Variants in TCHH observed in about 807,000 individuals in gnomAD.
TCHH encodes trichohyalin.
In TCHH, 6 loss-of-function variants were observed where a neutral mutation model predicts 6.3. The observed-to-expected ratio is 0.95, with a 90% confidence interval of 0.52 to 1.88. The LOEUF is 1.88. Among genes scored for constraint, TCHH ranks in the 40% most tolerant of loss-of-function variants. The pLI, the probability that TCHH is intolerant of heterozygous loss-of-function variation, is 0.01. For synonymous variants in TCHH, 1,087 were observed against 963.6 expected (o/e 1.13, Z -2.37); for missense variants, 2,920 against 2,449.1 (o/e 1.19, Z -4.06).
chr1:152,110,365 C>T lies in TCHH; in HGVS notation c.2852G>A (p.Arg951Lys), dbSNP rs762558880. The change falls in exon 3 of 3, where the codon AGA becomes AAA. Residue 951 changes from arginine to lysine, a missense_variant. Physicochemically the swap from Arg to Lys is conservative, Grantham distance 26 (BLOSUM62 2). Coordinates refer to ENST00000614923, the MANE Select transcript of TCHH (RefSeq NM_007113.4). ...TTGCCTTTCCCGCTCCTGGCGTCTT[C>T]TTTTCTCCCGTTCCTCTCTCAGCAG... ...EQLLREEREK[R>K]RRQERERQYR... 10 of 1,611,674 alleles carry T rather than the reference C, an allele frequency of 6.2e-6. No homozygotes were observed.
Position 152,108,399 on chromosome 1 carries a change from G to A in TCHH, c.4818C>T (p.Arg1606=), listed in dbSNP as rs773625776. Residue 1606 remains arginine (R), a synonymous_variant, in exon 3 of 3, where the codon CGC becomes CGT. Coordinates refer to ENST00000614923, the MANE Select transcript of TCHH (RefSeq NM_007113.4). ...GGCGCAGCTGTTGTTGGCCCTCCTG[G>A]CGGCGCAGCTGCTGTTCGTCCTCCA... The part of the protein sequence containing the change: ...KFMEDEQQLR[R]QEGQQQLRQE... The A allele has an allele frequency of 6.2e-6, 10 of 1,612,804 alleles. No homozygotes were observed. Among genetic ancestry groups the A allele is most frequent in the Non-Finnish European group, 7.6e-6 (9 of 1,179,746 alleles).
At position 152,108,230 on chromosome 1, in the gene TCHH, G is replaced by C; in HGVS notation, c.4987C>G (p.His1663Asp). 1 of 1,606,336 alleles carries C rather than the reference G, an allele frequency of 6.2e-7. No homozygotes were observed. Among genetic ancestry groups the C allele is most frequent in the Non-Finnish European group, 8.5e-7 (1 of 1,177,802 alleles). The part of the protein sequence containing the change: ...RRQEREQQLR[H>D]DRDRKFREEE... ...TCACGGAATTTTCTGTCGCGGTCGT[G>C]ACGCAGCTGTTGTTCGCGCTCCTGG... The change falls in exon 3 of 3, where the codon CAC (histidine) becomes GAC (aspartate). Residue 1663 changes from histidine (H) to aspartate (D), a missense_variant. Physicochemically the swap from His to Asp is moderately conservative, Grantham distance 81. Coordinates refer to ENST00000614923, the MANE Select transcript of TCHH (RefSeq NM_007113.4).
chr1:152,112,566 C>T lies in TCHH; in HGVS notation c.651G>A (p.Glu217=). The change falls in exon 3 of 3, where the codon GAG becomes GAA. Residue 217 remains glutamate (E), a synonymous_variant. Transcript: ENST00000614923. ...TCTCCTCGCGGCCCTTCCTCCTCAG[C>T]TCCAGCAGCTCCCGCCTTCGCAGTT... is the stretch of plus-strand genomic sequence containing the variant. ...EEQLRRRELL[E]LRRKGREEKQ... 1 of 1,613,596 alleles carries T rather than the reference C, an allele frequency of 6.2e-7. No homozygotes were observed. The highest frequency in any genetic ancestry group is 8.5e-7 in the Non-Finnish European group (1 of 1,180,044).
At position 152,107,864 on chromosome 1, in the gene TCHH, C is replaced by T. The variant is rs756052412; in HGVS notation, c.5353G>A (p.Glu1785Lys). ...EEEQLRQERE[E>K]QQLRSQESDR... ...GACTCTTGGCTGCGCAGCTGCTGTTCCTCCCTCTCCTGGCGGAGCTGTTCC... is the reference window on the plus strand; with the variant it reads ...GACTCTTGGCTGCGCAGCTGCTGTTTCTCCCTCTCCTGGCGGAGCTGTTCC... The change falls in exon 3 of 3, where the codon GAA becomes AAA. Residue 1785 changes from glutamate to lysine, a missense_variant. Physicochemically the swap from Glu to Lys is moderately conservative, Grantham distance 56. Transcript: ENST00000614923. The T allele has an allele frequency of 5.6e-6, 9 of 1,613,672 alleles. No individual in the cohort carries two copies. The African/African-American group carries it at 9.4e-5, about 17-fold the overall frequency.
Position 152,108,316 on chromosome 1 carries a change from T to A in TCHH, c.4901A>T (p.Gln1634Leu), listed in dbSNP as rs775135283. 1 of 1,612,556 alleles carries A rather than the reference T, an allele frequency of 6.2e-7. No individual in the cohort carries two copies. The highest frequency in any genetic ancestry group is 1.3e-5 in the African/African-American group (1 of 74,604). The change falls in exon 3 of 3, where the codon CAG becomes CTG. Residue 1634 changes from glutamine to leucine, a missense_variant. Gln to Leu is a moderately radical substitution (Grantham distance 113, BLOSUM62 -2). Transcript: ENST00000614923. ...GTCACGCTCTTGGCGGTGCAGCTGC[T>A]GTTCTTCCCTTTCCTGGAGCAGCTG... ...DEQLLQEREEQQLHRQERDRK... is the reference protein window; with the variant it reads ...DEQLLQEREELQLHRQERDRK...
Position 152,112,698 on chromosome 1 carries a change from C to T in TCHH, c.519G>A (p.Leu173=). ...QRDRQRRDEE[L]WRQRQEWQER... is the part of the protein sequence containing the mutation. ...CTTGCCATTCTTGCCTTTGCCGCCA[C>T]AGCTCCTCGTCGCGGCGCTGCCTGT... Residue 173 remains leucine (L), a synonymous_variant, in exon 3 of 3, where the codon CTG becomes CTA. Transcript: ENST00000614923. 1.2e-6 allele frequency: 2 copies of T among 1,614,136 alleles called. No homozygotes were observed. Among genetic ancestry groups the T allele is most frequent in the Non-Finnish European group, 1.7e-6 (2 of 1,180,040 alleles).
rs755356416 is a variant in TCHH, at chr1:152,110,292, T to C, written c.2925A>G (p.Gly975=). 4 of 1,610,972 alleles carry C rather than the reference T, an allele frequency of 2.5e-6. No individual in the cohort carries two copies. In the South Asian group the frequency reaches 3.3e-5, roughly 13 times the overall value. Residue 975 remains glycine, a synonymous_variant, in exon 3 of 3, where the codon GGA becomes GGG. Transcript: ENST00000614923. ...KLQQKEEQLL[G]EEPEKRRRQE... ...GGCGCCTTCTCTTCTCCGGTTCCTC[T>C]CCCAGCAGCTGCTCTTCCTTCTGCT...
In TCHH at chr1:152,112,274, G is replaced by T. The variant is rs1355521181; in HGVS notation, c.943C>A (p.Arg315Ser). 1 of 1,601,798 alleles carries T rather than the reference G, an allele frequency of 6.2e-7. No homozygotes were observed. The highest frequency in any genetic ancestry group is 1.4e-5 in the African/African-American group (1 of 72,286). ...TCGCGCCTCTCCTCCTGCTGCTCGC[G>T]CCTCTCCTCCTCCTGCTTGCGCCTT... ...QLRRKQEEERREQQEERREQQ... is the reference protein window; with the variant it reads ...QLRRKQEEERSEQQEERREQQ... Residue 315 changes from arginine (R) to serine (S), a missense_variant, in exon 3 of 3, where the codon CGC (arginine) becomes AGC (serine). Arg to Ser is a moderately radical substitution (Grantham distance 110). Transcript: ENST00000614923.
rs370196481 is a variant in TCHH at position 152,109,669 on chromosome 1, A to C, written c.3548T>G (p.Leu1183Arg). The C allele has an allele frequency of 1.9e-6, 3 of 1,607,852 alleles. No individual in the cohort carries two copies. The African/African-American group carries it at 4.0e-5, about 22-fold the overall frequency. The change falls in exon 3 of 3, where the codon CTG (leucine) becomes CGG (arginine). Residue 1183 changes from leucine (L) to arginine (R), a missense_variant. Coordinates refer to ENST00000614923, the MANE Select transcript of TCHH (RefSeq NM_007113.4). ...CCTTTTCTCCTGTTCCTCTCTCAGCAGCTGCTCTTCCTCCTGCTGCAGCTC... is the reference window on the plus strand; with the variant it reads ...CCTTTTCTCCTGTTCCTCTCTCAGCCGCTGCTCTTCCTCCTGCTGCAGCTC... ...EEELQQEEEQ[L>R]LREEQEKRRQ...
rs762804634 is a variant in TCHH, at chr1:152,107,501, C to A, written c.5716G>T (p.Gly1906Trp). 13 of 1,614,112 alleles carry A rather than the reference C, an allele frequency of 8.1e-6. No individual in the cohort carries two copies. The African/African-American group carries it at 1.2e-4, about 15-fold the overall frequency. ...TCCAGAAGCCGCCCATGGCCCTTCC[C>A]TTCTTGGGATTTTATCTCCCCGACT... ...RQVGEIKSQE[G>W]KGHGRLLEPG... Residue 1906 changes from glycine (G) to tryptophan (W), a missense_variant, in exon 3 of 3, where the codon GGG becomes TGG. Physicochemically the swap from Gly to Trp is radical, Grantham distance 184 (BLOSUM62 -2). Transcript: ENST00000614923.
chr1:152,110,992 C>CGGA lies in TCHH; in HGVS notation c.2224_2225insTCC (p.Arg741_Arg742insLeu). 6.2e-7 allele frequency: 1 copy of CGGA among 1,613,344 alleles called. No individual in the cohort carries two copies. The highest frequency in any genetic ancestry group is 1.1e-5 in the South Asian group (1 of 91,066). On this transcript the variant is annotated inframe_insertion, in exon 3 of 3. Transcript: ENST00000614923. ...CTCCTGCCATTGCAGCTCACTCTCCCGGCGCCGCCTCTTTTCCTCCTGCTC... is the reference window on the plus strand; with the variant it reads ...CTCCTGCCATTGCAGCTCACTCTCCCGGAGGCGCCGCCTCTTTTCCTCCTGCTC...
rs1408843082 is a variant in TCHH, at chr1:152,108,109, T to C, written c.5108A>G (p.Gln1703Arg). 6.2e-7 allele frequency: 1 copy of C among 1,611,150 alleles called. No homozygotes were observed. The highest frequency in any genetic ancestry group is 8.5e-7 in the Non-Finnish European group (1 of 1,179,466). The change falls in exon 3 of 3, where the codon CAG becomes CGG. Residue 1703 changes from glutamine to arginine, a missense_variant. By Grantham distance (43) the Gln-to-Arg change is conservative. Coordinates refer to ENST00000614923, the MANE Select transcript of TCHH (RefSeq NM_007113.4). Reference protein sequence around the residue: ...FREEEQQLRRQERERKFLQEE... With the variant: ...FREEEQQLRRRERERKFLQEE... ...CTGGAGGAATTTTCTCTCTCGTTCC[T>C]GACGGCGGAGCTGCTGTTCCTCTTC...
In TCHH at chr1:152,107,792, C is replaced by T. The variant is rs1178345141; in HGVS notation, c.5425G>A (p.Glu1809Lys). The change falls in exon 3 of 3, where the codon GAA (glutamate) becomes AAA (lysine). Residue 1809 changes from glutamate (E) to lysine (K), a missense_variant. Transcript: ENST00000614923. The part of the protein sequence containing the change: ...EEEQLRQERE[E>K]QQLRPQQRDG... ...CGCTGTTGGGGGCGCAGCTGCTGTT[C>T]TTCCCTCTCCTGGCGTAGCTGTTCC... The T allele has an allele frequency of 6.2e-7, 1 of 1,613,968 alleles. No homozygotes were observed. Among genetic ancestry groups the T allele is most frequent in the East Asian group, 2.2e-5 (1 of 44,892 alleles).
Position 152,109,291 on chromosome 1 carries a change from C to T in TCHH, c.3926G>A (p.Arg1309Lys), listed in dbSNP as rs777668899. Residue 1309 changes from arginine to lysine, a missense_variant, in exon 3 of 3, where the codon AGG becomes AAG. By Grantham distance (26) the Arg-to-Lys change is conservative. Transcript: ENST00000614923. ...LEREEQKEAK[R>K]RDRKSQEEKQ... ...TTCCTCTTGGGACTTCCTGTCGCGCCTTTTGGCTTCCTTTTGCTCTTCTCG... is the reference window on the plus strand; with the variant it reads ...TTCCTCTTGGGACTTCCTGTCGCGCTTTTTGGCTTCCTTTTGCTCTTCTCG... The T allele has an allele frequency of 2.0e-5, 33 of 1,614,076 alleles. No individual in the cohort carries two copies. In the East Asian group the frequency reaches 7.1e-4, roughly 35 times the overall value.
In TCHH at chr1:152,109,329, T is replaced by C. The variant is rs772538269; in HGVS notation, c.3888A>G (p.Glu1296=). The C allele has an allele frequency of 1.2e-6, 2 of 1,614,210 alleles. No individual in the cohort carries two copies. Among genetic ancestry groups the C allele is most frequent in the South Asian group, 2.2e-5 (2 of 91,090 alleles). The part of the protein sequence containing the change: ...WQQRDRHFPE[E]EQLEREEQKE... Reference sequence around the variant, plus strand: ...TTTGCTCTTCTCGCTCCAGCTGTTCTTCCTCTGGGAAATGCCTGTCGCGCT... The same window carrying C: ...TTTGCTCTTCTCGCTCCAGCTGTTCCTCCTCTGGGAAATGCCTGTCGCGCT... The change falls in exon 3 of 3, where the codon GAA becomes GAG. Residue 1296 remains glutamate (E), a synonymous_variant. Transcript: ENST00000614923.
At position 152,109,390 on chromosome 1, in the gene TCHH, T is replaced by G; in HGVS notation, c.3827A>C (p.Glu1276Ala). 1.2e-6 allele frequency: 2 copies of G among 1,614,282 alleles called. No individual in the cohort carries two copies. Among genetic ancestry groups the G allele is most frequent in the Non-Finnish European group, 1.7e-6 (2 of 1,180,040 alleles). ...CCTCCTCTCTTGCTCACGATCTCGC[T>G]CTTGCTGTTCACCCAGCAGGTGCTG... The part of the protein sequence containing the change: ...DLQHLLGEQQ[E>A]RDREQERRRW... Residue 1276 changes from glutamate (E) to alanine (A), a missense_variant, in exon 3 of 3, where the codon GAG (glutamate) becomes GCG (alanine). Physicochemically the swap from Glu to Ala is moderately radical, Grantham distance 107. Transcript: ENST00000614923.
In TCHH at chr1:152,109,968, T is replaced by C. The variant is rs1557810280; in HGVS notation, c.3249A>G (p.Glu1083=). The change falls in exon 3 of 3, where the codon GAA becomes GAG. Residue 1083 remains glutamate, a synonymous_variant. Transcript: ENST00000614923. ...GCTCTTCCTCCTGCTGCAGCTCCTC[T>C]TCCTTCCGATATTGCCTCTCCAGCT... is the stretch of plus-strand genomic sequence containing the variant. ...RQELERQYRK[E]EELQQEEEQL... 1 of 1,571,526 alleles carries C rather than the reference T, an allele frequency of 6.4e-7. No individual in the cohort carries two copies. Among genetic ancestry groups the C allele is most frequent in the Non-Finnish European group, 8.6e-7 (1 of 1,161,412 alleles).
rs754399995 is a variant in TCHH, at chr1:152,111,341, C to G, written c.1876G>C (p.Glu626Gln). The G allele has an allele frequency of 7.1e-5, 114 of 1,596,334 alleles. No individual in the cohort carries two copies. Among genetic ancestry groups the G allele is most frequent in the Admixed American group, 2.5e-4 (15 of 58,856 alleles). ...REQRLKREEP[E>Q]EERRQQLLKS... ...AGCAGCTGCTGGCGCCTCTCTTCCT[C>G]CGGCTCCTCGCGCTTCAGCCGCTGC... is the stretch of plus-strand genomic sequence containing the variant. The change falls in exon 3 of 3, where the codon GAG becomes CAG. Residue 626 changes from glutamate to glutamine, a missense_variant. Physicochemically the swap from Glu to Gln is conservative, Grantham distance 29. Coordinates refer to ENST00000614923, the MANE Select transcript of TCHH (RefSeq NM_007113.4).
At chr1:152,114,221 A>C (rs566551396) in intron 1 of TCHH, 110 bp from the exon 2 acceptor site, 1 of 734,674 alleles carries the variant, frequency 1.4e-6, no homozygotes, top group Non-Finnish European at 2.1e-6. Flanking sequence ...TATAGCGGTA[A>C]TTTCAACCTG....
Sources: gnomAD v4.1 joint callset for allele counts on GRCh38, gnomAD v4.1.1 for gene constraint, MANE v1.5 for transcripts, NCBI Gene and HGNC (gene_info 2026-07-23, HGNC 2026-07-21) for gene names.